Variants in FILIP1 observed in about 807,000 individuals in gnomAD.
FILIP1 encodes the protein filamin A interacting protein 1, also known as filamin-A-interacting protein 1.
FILIP1 carries 61 observed loss-of-function variants against 102.1 expected under a neutral mutation model. The observed-to-expected ratio is 0.60, with a 90% CI of 0.49 to 0.74. FILIP1 has a LOEUF of 0.74. FILIP1 is among the 30% of genes least tolerant of loss of function. The pLI is 0.00. For missense variants in FILIP1, 1,314 were observed against 1,441.2 expected, an observed-to-expected ratio of 0.91 and a Z score of 1.43; for synonymous variants, 491 against 526.9, an observed-to-expected ratio of 0.93 and a Z score of 0.93.
chr6:75,456,663 G>T (rs1562626380), intron 1 of FILIP1, among the ~76,000 whole-genome samples: 2 of 150,980 alleles, frequency 1.3e-5, no homozygotes, highest in Non-Finnish European at 2.9e-5. Context: ...GGGCTCAAAT[G>T]ATTCTCCTGC....
chr6:75,456,848 G>A (rs968375296), intron 1 of FILIP1, among the ~76,000 whole-genome samples: 1 of 152,062 alleles, frequency 6.6e-6, no homozygotes. Context: ...GTGAGACATC[G>A]TATTCCCAAA....
At chr6:75,340,779 T>C (rs892672342) in intron 4 of FILIP1, among the ~76,000 whole-genome samples, 2 of 151,552 alleles carry the variant, frequency 1.3e-5, no homozygotes, top group African/African-American at 4.8e-5. Context: ...CACTGCAACC[T>C]CTGCCTCCCG....
intron 4 of FILIP1, among the ~76,000 whole-genome samples, chr6:75,333,730 T>C (rs896652333): frequency 3.3e-5 from 5 of 152,214 alleles, no homozygotes; most frequent in Non-Finnish European, 7.4e-5. Flanking sequence ...TGAAGTTCTT[T>C]TGTGAAGGAC....
At chr6:75,378,284 G>C (rs915278093) in intron 2 of FILIP1, among the ~76,000 whole-genome samples, 2 of 152,084 alleles carry the variant, frequency 1.3e-5, no homozygotes, top group Non-Finnish European at 2.9e-5. Context: ...ACTCTGCCTG[G>C]GGCCATTTTA....
chr6:75,418,954 T>C (rs1777361017), intron 1 of FILIP1, among the ~76,000 whole-genome samples: 1 of 152,108 alleles, frequency 6.6e-6, no homozygotes, highest in African/African-American at 2.4e-5. Context: ...AGCCTCCCTC[T>C]TTTATCTATG....
At chr6:75,375,461 A>G (rs1207028361) in intron 2 of FILIP1, among the ~76,000 whole-genome samples, 1 of 152,140 alleles carries the variant, frequency 6.6e-6, no homozygotes, top group African/African-American at 2.4e-5. Flanking sequence ...AAAAGGGCAA[A>G]TGGCAAATGC....
intron 4 of FILIP1, among the ~76,000 whole-genome samples, chr6:75,353,325 C>G (rs1416577233): frequency 6.6e-6 from 1 of 152,210 alleles, no homozygotes; most frequent in Non-Finnish European, 1.5e-5. Context: ...GAATGTGACG[C>G]CCTACCTATA....
chr6:75,353,503 C>A, intron 4 of FILIP1, 36 bp downstream of exon 4: 1 of 1,609,900 alleles, frequency 6.2e-7, no homozygotes. Context: ...GGGCTATGGG[C>A]ATCCAGATGT....
chr6:75,370,886 C>G (rs1438003227), intron 2 of FILIP1, among the ~76,000 whole-genome samples: 1 of 152,018 alleles, frequency 6.6e-6, no homozygotes, highest in Non-Finnish European at 1.5e-5. Context: ...CCACTTTCTT[C>G]TTTTTAAGTT....
intron 2 of FILIP1, among the ~76,000 whole-genome samples, chr6:75,370,835 C>A (rs900346720): frequency 3.3e-5 from 5 of 152,060 alleles, no homozygotes; most frequent in East Asian, 1.9e-4. Context: ...CCTCAGCCCC[C>A]CAAAGTGCTG....
intron 4 of FILIP1, among the ~76,000 whole-genome samples, chr6:75,349,319 C>G (rs1398795675): frequency 6.6e-6 from 1 of 152,136 alleles, no homozygotes; most frequent in African/African-American, 2.4e-5. Flanking sequence ...TGAAATGCTT[C>G]TGGTGCCCGG....
intron 2 of FILIP1, among the ~76,000 whole-genome samples, chr6:75,411,808 G>A (rs1329715460): frequency 6.6e-6 from 1 of 152,090 alleles, no homozygotes; most frequent in Non-Finnish European, 1.5e-5. Flanking sequence ...ATGATGTTTT[G>A]GTTCCTGTAG....
intron 2 of FILIP1, among the ~76,000 whole-genome samples, chr6:75,403,436 G>T (rs1300283995): frequency 6.8e-6 from 1 of 147,548 alleles, no homozygotes; most frequent in African/African-American, 2.5e-5. Context: ...GATCCCTTGA[G>T]TTCAGGAGAT....
intron 4 of FILIP1, chr6:75,319,838 A>G (rs543471288): frequency 1.4e-4 from 61 of 425,018 alleles, no homozygotes; most frequent in Admixed American, 3.5e-4. Flanking sequence ...CCCCAAAAAA[A>G]AAAAGAAAAG....
At chr6:75,453,501 G>A (rs1778710255) in intron 1 of FILIP1, among the ~76,000 whole-genome samples, 3 of 152,106 alleles carry the variant, frequency 2.0e-5, no homozygotes, top group Non-Finnish European at 4.4e-5. Flanking sequence ...AGATTACATA[G>A]GTGAAAATTT....
intron 1 of FILIP1, among the ~76,000 whole-genome samples, chr6:75,453,550 C>A (rs1778711973): frequency 6.6e-6 from 1 of 152,148 alleles, no homozygotes; most frequent in Non-Finnish European, 1.5e-5. Context: ...GTGGCTCACA[C>A]CTGTAATCCC....
intron 2 of FILIP1, among the ~76,000 whole-genome samples, chr6:75,404,257 A>AACAAC (rs771295096): frequency 1.3e-5 from 2 of 152,052 alleles, no homozygotes; most frequent in Non-Finnish European, 2.9e-5. Context: ...AACAAAACAA[A>AACAAC]ACAACACTGC....
intron 2 of FILIP1, among the ~76,000 whole-genome samples, chr6:75,385,219 A>G (rs552695321): frequency 6.6e-6 from 1 of 152,320 alleles, no homozygotes; most frequent in African/African-American, 2.4e-5. Context: ...TTCTCAGACC[A>G]GAGATCTCTC....
At chr6:75,456,734 A>G (rs1360334620) in intron 1 of FILIP1, among the ~76,000 whole-genome samples, 1 of 151,818 alleles carries the variant, frequency 6.6e-6, no homozygotes, top group East Asian at 1.9e-4. Context: ...TAATTTTTGT[A>G]TTTTTAGTAG....
Sources: allele counts gnomAD v4.1 joint callset (sites outside exome capture counted in the v4.1 genomes callset), GRCh38; gene constraint gnomAD v4.1.1; transcripts MANE v1.5; gene names NCBI Gene and HGNC (gene_info 2026-07-23, HGNC 2026-07-21).